Variants in DIS3L2 observed in about 807,000 individuals in gnomAD.
The protein encoded by DIS3L2 is DIS3-like exonuclease 2.
In DIS3L2, 34 loss-of-function variants were observed where a neutral mutation model predicts 97.5. The ratio of observed to expected loss-of-function variants is 0.35; its 90% CI spans 0.27 to 0.46. The LOEUF is 0.46. DIS3L2 is among the 20% of genes least tolerant of loss of function. The probability of loss-of-function intolerance (pLI) is 1.00; values close to 1 mark genes in which losing one functional copy is unlikely to be tolerated. For missense variants in DIS3L2, 1,038 were observed against 1,146.0 expected (o/e 0.91, Z 1.36); for synonymous variants, 435 against 445.2 (o/e 0.98, Z 0.29).
chr2:232,097,396 G>A (rs1279614168), intron 6 of DIS3L2, among the ~76,000 whole-genome samples: 1 of 152,126 alleles, frequency 6.6e-6, no homozygotes, highest in African/African-American at 2.4e-5. Context: ...CTCACGCAAG[G>A]CCCACTGTAA....
At chr2:232,126,923 T>G (rs913714887) in intron 6 of DIS3L2, among the ~76,000 whole-genome samples, 2 of 152,216 alleles carry the variant, frequency 1.3e-5, no homozygotes, top group African/African-American at 4.8e-5. Flanking sequence ...CTGGCCTTTG[T>G]CTGGAGTGGC....
At chr2:232,188,932 G>T (rs1253050388) in intron 9 of DIS3L2, among the ~76,000 whole-genome samples, 1 of 152,082 alleles carries the variant, frequency 6.6e-6, no homozygotes, top group Non-Finnish European at 1.5e-5. Flanking sequence ...ACACTGAAGA[G>T]GATATACAAA....
At chr2:232,057,185 C>T (rs767772020) in intron 5 of DIS3L2, among the ~76,000 whole-genome samples, 2 of 152,022 alleles carry the variant, frequency 1.3e-5, no homozygotes, top group Non-Finnish European at 2.9e-5. Context: ...ATAGTTTTAT[C>T]AGGATATTAT....
At chr2:232,102,094 G>A (rs1288705668) in intron 6 of DIS3L2, among the ~76,000 whole-genome samples, 1 of 152,150 alleles carries the variant, frequency 6.6e-6, no homozygotes, top group African/African-American at 2.4e-5. Flanking sequence ...CCTTCTGATG[G>A]GATGCATTAT....
intron 1 of DIS3L2, among the ~76,000 whole-genome samples, chr2:231,998,058 G>A (rs1166706981): frequency 6.6e-6 from 1 of 152,064 alleles, no homozygotes; most frequent in Non-Finnish European, 1.5e-5. Flanking sequence ...AAGATTATAG[G>A]CCAGTTATAC....
At chr2:232,081,742 C>A (rs1483331425) in intron 5 of DIS3L2, among the ~76,000 whole-genome samples, 1 of 152,134 alleles carries the variant, frequency 6.6e-6, no homozygotes, top group East Asian at 1.9e-4. Context: ...TGTCCATTTC[C>A]TGCTCCAGAT....
At chr2:232,087,389 G>C (rs1696693477) in intron 5 of DIS3L2, 98 bp from the exon 6 acceptor site, 2 of 856,568 alleles carry the variant, frequency 2.3e-6, no homozygotes, top group Admixed American at 2.9e-5. Context: ...AATACCGTTA[G>C]CTTCTGAATA....
Position 232,254,061 on chromosome 2 carries a change from A to G in DIS3L2, c.1425+4715A>G, listed in dbSNP as rs11679960. Among the ~76,000 whole-genome samples the G allele has an allele frequency of 2.8e-3, 430 of 152,280 alleles. 1 individual carries two copies. Among genetic ancestry groups the G allele is most frequent in the Non-Finnish European group, 4.7e-3 (318 of 68,014 alleles). ...ACATATTTTAGTATGAAGCTGAAAAAATTTTGGACATTTTCTTATATACCA... is the reference window on the plus strand; with the variant it reads ...ACATATTTTAGTATGAAGCTGAAAAGATTTTGGACATTTTCTTATATACCA... On this transcript the variant is annotated intron_variant, in intron 12 of 20. Coordinates refer to ENST00000325385, the MANE Select transcript of DIS3L2 (RefSeq NM_152383.5).
intron 12 of DIS3L2, among the ~76,000 whole-genome samples, chr2:232,254,213 A>G (rs1313516128): frequency 1.3e-5 from 2 of 152,168 alleles, no homozygotes; most frequent in African/African-American, 4.8e-5. Flanking sequence ...AGTTATACAC[A>G]TTATATTTGG....
At chr2:232,045,510 G>A (rs35139160) in intron 5 of DIS3L2, among the ~76,000 whole-genome samples, 20,284 of 152,136 alleles carry the variant, frequency 0.13, 1,831 homozygotes, top group South Asian at 0.34. Context: ...ACTGCCTGGT[G>A]AAGGCTGCAT....
At chr2:232,181,691 T>G (rs1296173724) in intron 9 of DIS3L2, among the ~76,000 whole-genome samples, 1 of 152,102 alleles carries the variant, frequency 6.6e-6, no homozygotes, top group Admixed American at 6.6e-5. Flanking sequence ...CATGCTGGAG[T>G]GCAGTGGTGC....
intron 11 of DIS3L2, 58 bp from the exon 12 acceptor site, chr2:232,249,181 T>G (rs777171849): frequency 1.3e-6 from 2 of 1,561,316 alleles, no homozygotes; most frequent in Non-Finnish European, 1.8e-6. Context: ...CTCTGCCCAC[T>G]GGGCTTCTCC....
At chr2:232,076,633 C>T (rs187321767) in intron 5 of DIS3L2, among the ~76,000 whole-genome samples, 1 of 152,142 alleles carries the variant, frequency 6.6e-6, no homozygotes, top group Admixed American at 6.5e-5. Flanking sequence ...TTTTATTGAT[C>T]TATAGTAGTT....
intron 11 of DIS3L2, among the ~76,000 whole-genome samples, chr2:232,244,575 G>A (rs1693195441): frequency 6.6e-6 from 1 of 152,224 alleles, no homozygotes; most frequent in Admixed American, 6.5e-5. Context: ...GCCAGACCTT[G>A]GACAGGGAAG....
chr2:231,989,651 T>TAGTG (rs1374392826), intron 1 of DIS3L2, among the ~76,000 whole-genome samples: 4 of 151,886 alleles, frequency 2.6e-5, no homozygotes, highest in Admixed American at 6.6e-5. Context: ...CTGGGCAACA[T>TAGTG]AGTGAGACCT....
intron 1 of DIS3L2, among the ~76,000 whole-genome samples, chr2:231,986,116 C>T (rs1176858640): frequency 1.3e-5 from 2 of 152,200 alleles, no homozygotes; most frequent in African/African-American, 4.8e-5. Context: ...AGTGGTTTGC[C>T]CGGGGCTCTT....
intron 6 of DIS3L2, among the ~76,000 whole-genome samples, chr2:232,102,708 TTAAAA>T (rs1472829809): frequency 1.3e-5 from 2 of 152,186 alleles, no homozygotes; most frequent in Admixed American, 1.3e-4. Context: ...TTAAAAATCT[TTAAAA>T]TAAAACATTG....
chr2:232,285,961 A>G (rs1235943458), intron 13 of DIS3L2, among the ~76,000 whole-genome samples: 1 of 152,252 alleles, frequency 6.6e-6, no homozygotes, highest in African/African-American at 2.4e-5. Flanking sequence ...AGCTAGAGAC[A>G]TGTTTCAACT....
At chr2:232,260,327 C>T (rs1042874337) in intron 12 of DIS3L2, 1 of 152,272 alleles carries the variant, frequency 6.6e-6, no homozygotes, top group African/African-American at 2.4e-5. Context: ...GAGGCTGGAG[C>T]AGCTCTTCAG....
Sources: allele counts gnomAD v4.1 joint callset (sites outside exome capture counted in the v4.1 genomes callset), GRCh38; gene constraint gnomAD v4.1.1; transcripts MANE v1.5; gene names NCBI Gene and HGNC (gene_info 2026-07-23, HGNC 2026-07-21).